The following DMD variants were observed in gnomAD, a reference collection of about 807,000 sequenced individuals.
DMD encodes the protein dystrophin.
Under a neutral mutation model 330.1 loss-of-function variants are expected in DMD, and 63 were observed. That is an observed-to-expected ratio of 0.19 (90% CI 0.16 to 0.24). DMD has a LOEUF of 0.24. Among genes scored for constraint, DMD ranks in the 10% least tolerant of loss-of-function variants. The pLI, the probability that DMD is intolerant of heterozygous loss-of-function variation, is 1.00. For missense variants in DMD, 3,344 were observed against 2,684.1 expected (o/e 1.25, Z -5.43); for synonymous variants, 1,223 against 959.8 (o/e 1.27, Z -5.07).
chrX:33,194,850 A>G (rs1431448301), intron 1 of DMD, among the ~76,000 whole-genome samples: 1 of 111,888 alleles, frequency 8.9e-6, no homozygotes, highest in Non-Finnish European at 1.9e-5. Context: ...TACATGAATA[A>G]TATGTTAACG....
intron 43 of DMD, 82 bp from the exon 44 acceptor site, chrX:32,217,145 T>C (rs2097115360): frequency 6.1e-6 from 6 of 990,612 alleles, no homozygotes; most frequent in Non-Finnish European, 8.5e-6. Context: ...TATTTTTTGG[T>C]TATACTGACA....
chrX:32,016,525 C>A (rs1299340805), intron 44 of DMD, among the ~76,000 whole-genome samples: 1 of 110,924 alleles, frequency 9.0e-6, no homozygotes, highest in Non-Finnish European at 1.9e-5. Flanking sequence ...TTCTCTCCAG[C>A]ACTTCCTAGC....
At chrX:32,721,256 T>C (rs1226143622) in intron 7 of DMD, among the ~76,000 whole-genome samples, 1 of 110,979 alleles carries the variant, frequency 9.0e-6, no homozygotes, top group Non-Finnish European at 1.9e-5. Flanking sequence ...GTAGTTCTAT[T>C]TTTAACTTTT....
intron 67 of DMD, among the ~76,000 whole-genome samples, chrX:31,187,859 G>A (rs1255416986): frequency 9.1e-6 from 1 of 109,938 alleles, no homozygotes; most frequent in East Asian, 2.9e-4. Context: ...TCTCGCATAG[G>A]GGCCTGTGAC....
At chrX:32,522,297 C>A (rs1345538394) in intron 17 of DMD, among the ~76,000 whole-genome samples, 1 of 111,714 alleles carries the variant, frequency 9.0e-6, no homozygotes, top group East Asian at 2.8e-4. Context: ...TTCACTTGGC[C>A]TCTGGGCAGT....
chrX:32,775,936 A>G (rs7067109), intron 7 of DMD, among the ~76,000 whole-genome samples: 20,297 of 111,631 alleles, frequency 0.18, 2,558 homozygotes, highest in African/African-American at 0.45. Flanking sequence ...AAAAGTTCCC[A>G]TTTCAGATAA....
chrX:32,358,782 GTT>G (rs2097818349), intron 37 of DMD, among the ~76,000 whole-genome samples: 1 of 110,941 alleles, frequency 9.0e-6, no homozygotes, highest in African/African-American at 3.3e-5. Context: ...TTTTCCATCA[GTT>G]TTTGTCTCAA....
chrX:32,958,106 A>G (rs996954819), intron 2 of DMD, among the ~76,000 whole-genome samples: 4 of 111,739 alleles, frequency 3.6e-5, no homozygotes, highest in Non-Finnish European at 7.5e-5. Context: ...AGAAACATAG[A>G]TTTTCAGCGT....
intron 1 of DMD, among the ~76,000 whole-genome samples, chrX:33,286,693 C>G (rs1339061164): frequency 8.9e-6 from 1 of 111,762 alleles, no homozygotes; most frequent in African/African-American, 3.3e-5. Flanking sequence ...GCTTGGCATC[C>G]TTCATTGAGC....
intron 78 of DMD, among the ~76,000 whole-genome samples, chrX:31,125,102 G>A (rs191490049): frequency 2.7e-5 from 3 of 112,009 alleles, no homozygotes; most frequent in Admixed American, 1.9e-4. Flanking sequence ...ACATGTGCTA[G>A]CCTTTTCTGA....
At chrX:31,477,676 A>G (rs1450150631) in intron 59 of DMD, among the ~76,000 whole-genome samples, 1 of 110,432 alleles carries the variant, frequency 9.1e-6, no homozygotes, top group Admixed American at 9.7e-5. Context: ...TCACCAAACC[A>G]TAACTTACCC....
At chrX:32,068,374 A>ATTTT (rs749610367) in intron 44 of DMD, among the ~76,000 whole-genome samples, 3 of 64,317 alleles carry the variant, frequency 4.7e-5, no homozygotes, top group Admixed American at 1.9e-4. Flanking sequence ...CTTGCTTGTC[A>ATTTT]TTTTTTTTTT....
chrX:32,759,780 T>G (rs1207853338), intron 7 of DMD, among the ~76,000 whole-genome samples: 1 of 103,187 alleles, frequency 9.7e-6, no homozygotes, highest in Non-Finnish European at 1.9e-5. Context: ...GAGATAAGCT[T>G]TAGCTTGATG....
At chrX:31,322,084 C>A (rs1319267083) in intron 62 of DMD, among the ~76,000 whole-genome samples, 3 of 111,830 alleles carry the variant, frequency 2.7e-5, no homozygotes, top group Non-Finnish European at 5.6e-5. Context: ...GTCTTGAATT[C>A]TCCAGTGATC....
At chrX:32,452,009 T>G (rs756550467) in intron 26 of DMD, among the ~76,000 whole-genome samples, 1 of 109,817 alleles carries the variant, frequency 9.1e-6, no homozygotes, top group African/African-American at 3.3e-5. Flanking sequence ...TTTCAAATTT[T>G]AAAAATTTGA....
At chrX:31,956,862 T>C (rs1363520848) in intron 45 of DMD, among the ~76,000 whole-genome samples, 1 of 112,565 alleles carries the variant, frequency 8.9e-6, no homozygotes, top group Admixed American at 9.4e-5. Context: ...CTGAATGCCC[T>C]GATTATGTCG....
chrX:31,180,157 T>A (rs1383319560), intron 69 of DMD, among the ~76,000 whole-genome samples: 3 of 111,180 alleles, frequency 2.7e-5, no homozygotes, highest in African/African-American at 9.8e-5. Flanking sequence ...CAACAATATT[T>A]ATTGAGGGTC....
chrX:32,002,655 G>C (rs757886385), intron 44 of DMD, among the ~76,000 whole-genome samples: 2 of 110,847 alleles, frequency 1.8e-5, no homozygotes, highest in East Asian at 5.7e-4. Context: ...TCTTCGATGA[G>C]GGCCTGAGCT....
At chrX:33,304,956 T>C (rs1479036229) in intron 1 of DMD, among the ~76,000 whole-genome samples, 1 of 107,856 alleles carries the variant, frequency 9.3e-6, no homozygotes, top group Non-Finnish European at 1.9e-5. Context: ...GGAACACTTT[T>C]ACACTGTTGG....
Sources: gnomAD v4.1 joint callset for allele counts (sites outside exome capture counted in the v4.1 genomes callset) on GRCh38, gnomAD v4.1.1 for gene constraint, MANE v1.5 for transcripts, NCBI Gene and HGNC (gene_info 2026-07-23, HGNC 2026-07-21) for gene names.